Variants in SGCD observed in about 807,000 individuals in gnomAD.
SGCD encodes the protein delta-sarcoglycan.
Under a neutral mutation model 36.6 loss-of-function variants are expected in SGCD, and 18 were observed. The observed-to-expected ratio is 0.49, with a 90% CI of 0.34 to 0.73. The LOEUF (loss-of-function observed/expected upper bound fraction) is 0.73. Among genes scored for constraint, SGCD ranks in the 30% least tolerant of loss-of-function variants. SGCD has a pLI of 0.01. For missense variants in SGCD, 387 were observed against 346.7 expected (o/e 1.12, Z -0.92); for synonymous variants, 133 against 130.6 (o/e 1.02, Z -0.12).
chr5:155,734,573 C>A, the SGCD span, among the ~76,000 whole-genome samples: 1 of 152,098 alleles, frequency 6.6e-6, no homozygotes. Flanking sequence ...TCCCCATACC[C>A]TTACTATTGC....
intron 1 of SGCD, among the ~76,000 whole-genome samples, chr5:156,046,787 C>G (rs1419628766): frequency 6.6e-6 from 1 of 152,072 alleles, no homozygotes; most frequent in Non-Finnish European, 1.5e-5. Flanking sequence ...CCAATTGTCT[C>G]AAGGTATTCA....
intron 3 of SGCD, among the ~76,000 whole-genome samples, chr5:156,127,074 T>G (rs1762190199): frequency 6.6e-6 from 1 of 152,188 alleles, no homozygotes; most frequent in Admixed American, 6.5e-5. Flanking sequence ...TAGGAGAATC[T>G]AAGAATATTA....
chr5:155,802,604 A>G, the SGCD span, among the ~76,000 whole-genome samples: 4 of 152,216 alleles, frequency 2.6e-5, no homozygotes, highest in African/African-American at 7.2e-5. Context: ...GCAAAATCAT[A>G]TGCTTGCGTA....
At position 156,228,375 on chromosome 5, in the gene SGCD, C is replaced by A. The variant is rs747446021; in HGVS notation, c.-43-101159C>A. On this transcript the variant is annotated intron_variant, in intron 3 of 9. Coordinates refer to the SGCD transcript ENST00000517913. ...GTGATATTTTCCTGTTGGGCAATGC[C>A]TTTTATCATTATATAATGTCCCTCT... Among the ~76,000 whole-genome samples, 17 of 152,206 alleles carry A rather than the reference C, an allele frequency of 1.1e-4. No individual in the cohort carries two copies. The South Asian group carries it at 2.3e-3, about 20-fold the overall frequency.
chr5:156,254,483 T>C (rs1765663397), intron 3 of SGCD, among the ~76,000 whole-genome samples: 1 of 152,246 alleles, frequency 6.6e-6, no homozygotes, highest in African/African-American at 2.4e-5. Flanking sequence ...TTTTTTCCTG[T>C]ATATGAGTGT....
intron 6 of SGCD, among the ~76,000 whole-genome samples, chr5:156,606,871 T>C (rs1319055779): frequency 6.6e-6 from 1 of 152,234 alleles, no homozygotes; most frequent in Non-Finnish European, 1.5e-5. Flanking sequence ...TGTATAAGAA[T>C]GCTTGTGATT....
chr5:155,860,228 A>G, the SGCD span, among the ~76,000 whole-genome samples: 1 of 152,244 alleles, frequency 6.6e-6, no homozygotes, highest in Non-Finnish European at 1.5e-5. Flanking sequence ...AACATCACAC[A>G]AGATAAATTT....
chr5:156,163,444 C>T (rs1445963895), intron 3 of SGCD, among the ~76,000 whole-genome samples: 3 of 151,658 alleles, frequency 2.0e-5, no homozygotes, highest in African/African-American at 7.3e-5. Context: ...CACCATTAAC[C>T]ACACATAATT....
chr5:155,837,040 C>T, the SGCD span, among the ~76,000 whole-genome samples: 1 of 152,140 alleles, frequency 6.6e-6, no homozygotes, highest in African/African-American at 2.4e-5. Flanking sequence ...TTTGTTTGCT[C>T]TTTGCATAAA....
intron 7 of SGCD, among the ~76,000 whole-genome samples, chr5:156,648,245 T>C (rs1763305449): frequency 7.1e-6 from 1 of 140,174 alleles, no homozygotes; most frequent in Admixed American, 7.7e-5. Context: ...ATAACTGTGA[T>C]GAATTCAGTG....
At chr5:155,801,806 G>A in the SGCD span, among the ~76,000 whole-genome samples, 1 of 152,154 alleles carries the variant, frequency 6.6e-6, no homozygotes, top group African/African-American at 2.4e-5. Flanking sequence ...TTCAAGTACT[G>A]ACTCACATTA....
chr5:156,071,239 A>G (rs1056901750), intron 1 of SGCD, among the ~76,000 whole-genome samples: 30 of 151,996 alleles, frequency 2.0e-4, no homozygotes, highest in East Asian at 3.9e-4. Flanking sequence ...TCAATTTTGG[A>G]TCTTTCCTGC....
chr5:156,001,554 C>T (rs1758663692), intron 1 of SGCD, among the ~76,000 whole-genome samples: 1 of 152,110 alleles, frequency 6.6e-6, no homozygotes, highest in African/African-American at 2.4e-5. Context: ...CAATGTTTTC[C>T]ATTTAAATAA....
At chr5:156,739,361 G>T (rs1350730883) in intron 7 of SGCD, among the ~76,000 whole-genome samples, 1 of 152,048 alleles carries the variant, frequency 6.6e-6, no homozygotes, top group East Asian at 1.9e-4. Context: ...CTTGATGCTG[G>T]GCATAAACCA....
At chr5:155,843,313 G>A in the SGCD span, among the ~76,000 whole-genome samples, 6 of 152,028 alleles carry the variant, frequency 3.9e-5, no homozygotes, top group African/African-American at 1.5e-4. Context: ...TTCCTTGATT[G>A]AGCACTAGAT....
chr5:156,652,424 G>A (rs1763496246), intron 7 of SGCD, among the ~76,000 whole-genome samples: 1 of 152,104 alleles, frequency 6.6e-6, no homozygotes, highest in African/African-American at 2.4e-5. Flanking sequence ...AGGAATTTGA[G>A]GTTGCAGTTA....
intron 3 of SGCD, among the ~76,000 whole-genome samples, chr5:156,372,648 AT>A: frequency 6.6e-6 from 1 of 152,268 alleles, no homozygotes; most frequent in African/African-American, 2.4e-5. Flanking sequence ...AGGGCTAGCA[AT>A]TTATTCAGAA....
intron 1 of SGCD, among the ~76,000 whole-genome samples, chr5:155,879,955 T>G (rs1218005709): frequency 6.6e-6 from 1 of 152,136 alleles, no homozygotes; most frequent in African/African-American, 2.4e-5. Context: ...ATTGTTATTT[T>G]TTGTTTCTGT....
intron 4 of SGCD, among the ~76,000 whole-genome samples, chr5:156,559,892 A>G (rs1325820327): frequency 6.6e-6 from 1 of 152,230 alleles, no homozygotes; most frequent in Non-Finnish European, 1.5e-5. Flanking sequence ...ATTCTAAAGC[A>G]GTGTCAGTTT....
Sources: allele counts gnomAD v4.1 joint callset (sites outside exome capture counted in the v4.1 genomes callset), GRCh38; gene constraint gnomAD v4.1.1; transcripts MANE v1.5; gene names NCBI Gene and HGNC (gene_info 2026-07-23, HGNC 2026-07-21).